The following APOBEC3H variants were observed in gnomAD, a reference collection of about 807,000 sequenced individuals.
APOBEC3H encodes the protein DNA dC->dU-editing enzyme APOBEC-3H.
In APOBEC3H, 8 loss-of-function variants were observed where a neutral mutation model predicts 21.2. That is an observed-to-expected ratio of 0.38 (90% CI 0.22 to 0.68). The LOEUF is 0.68. Ranked by LOEUF, APOBEC3H falls within the 30% of genes least tolerant of loss-of-function variation. APOBEC3H has a pLI of 0.52. For synonymous variants in APOBEC3H, 88 were observed against 91.0 expected, an observed-to-expected ratio of 0.97 and a Z score of 0.19; for missense variants, 229 against 228.1, an observed-to-expected ratio of 1.00 and a Z score of -0.03.
At chr22:39,101,160 C>A in intron 2 of APOBEC3H, 77 bp from the exon 3 acceptor site, 1 of 673,844 alleles carries the variant, frequency 1.5e-6, no homozygotes, top group Non-Finnish European at 2.2e-6. Context: ...GCCCCCGTCC[C>A]GGCCCCCGCC....
At position 39,103,241 on chromosome 22, in the gene APOBEC3H, C is replaced by T. The variant is rs370554315; in HGVS notation, c.544-448C>T. On this transcript the variant is annotated intron_variant, in intron 4 of 4. Transcript: ENST00000442487. ...GGTGAAGGCTGTAGTGAGCTGAGATCGTGCCACTGCACTCCAGCCTGGGCA... is the reference window on the plus strand; with the variant it reads ...GGTGAAGGCTGTAGTGAGCTGAGATTGTGCCACTGCACTCCAGCCTGGGCA... Among the ~76,000 whole-genome samples the T allele has an allele frequency of 2.2e-4, 34 of 152,044 alleles. No homozygotes were observed. In the East Asian group the frequency reaches 5.2e-3, roughly 23 times the overall value.
intron 4 of APOBEC3H, chr22:39,102,547 T>A (rs1929430801): frequency 2.8e-6 from 2 of 718,424 alleles, no homozygotes; most frequent in African/African-American, 3.5e-5. Context: ...GTTACATGGA[T>A]ATATTGTGTG....
chr22:39,102,742 C>T (rs1929443804), intron 4 of APOBEC3H: 3 of 572,414 alleles, frequency 5.2e-6, no homozygotes, highest in Non-Finnish European at 9.5e-6. Context: ...TGGCTCACGC[C>T]TGTAGTCCCA....
At chr22:39,098,717 CCTT>C (rs1383616823) in intron 1 of APOBEC3H, among the ~76,000 whole-genome samples, 3 of 152,108 alleles carry the variant, frequency 2.0e-5, no homozygotes, top group African/African-American at 7.2e-5. Context: ...GCCAGCATCT[CCTT>C]CTCTTCTCCT....
Position 39,097,288 on chromosome 22 carries a change from C to T in APOBEC3H, c.-63C>T, listed in dbSNP as rs747018928. On this transcript the variant is annotated 5_prime_UTR_variant, in exon 1 of 5. Coordinates refer to ENST00000442487, the MANE Select transcript of APOBEC3H (RefSeq NM_181773.5). ...AGCTGCCAAAAGTGAAACTTAGTGC[C>T]TCAGACAAGCAGGGGCAAGTCTGCT... 1 of 152,144 alleles carries T rather than the reference C, an allele frequency of 6.6e-6. No individual in the cohort carries two copies. Among genetic ancestry groups the T allele is most frequent in the Non-Finnish European group, 1.5e-5 (1 of 68,078 alleles). The allele number at this position is 152,144 out of a possible 1,614,324, so 9.4% of individuals were successfully genotyped here.
chr22:39,099,912 C>A (rs1020375404), intron 1 of APOBEC3H, among the ~76,000 whole-genome samples: 3 of 152,226 alleles, frequency 2.0e-5, no homozygotes, highest in Non-Finnish European at 4.4e-5. Context: ...GGGGCTCACA[C>A]CTGTAATCCC....
At chr22:39,100,790 C>T (rs1042570966) in intron 2 of APOBEC3H, among the ~76,000 whole-genome samples, 48 of 152,288 alleles carry the variant, frequency 3.2e-4, no homozygotes, top group African/African-American at 1.1e-3. Flanking sequence ...CTGTCCTCTC[C>T]GCTCTATTGC....
At chr22:39,099,484 G>A (rs1422972125) in intron 1 of APOBEC3H, among the ~76,000 whole-genome samples, 3 of 152,020 alleles carry the variant, frequency 2.0e-5, no homozygotes, top group African/African-American at 7.2e-5. Context: ...TGTAGGGGTC[G>A]AGAGGCCTGT....
intron 1 of APOBEC3H, among the ~76,000 whole-genome samples, chr22:39,099,175 C>T (rs554789060): frequency 1.4e-4 from 22 of 152,172 alleles, no homozygotes; most frequent in African/African-American, 5.1e-4. Flanking sequence ...GATTGGACCA[C>T]TGCACTCCAG....
chr22:39,100,839 C>G (rs1396529332), intron 2 of APOBEC3H, among the ~76,000 whole-genome samples: 1 of 152,158 alleles, frequency 6.6e-6, no homozygotes, highest in African/African-American at 2.4e-5. Context: ...TCCCCGCCCC[C>G]CGCCCCGGCT....
In APOBEC3H at chr22:39,099,927, C is replaced by G. The variant is rs576716153; in HGVS notation, c.-7-345C>G. Among the ~76,000 whole-genome samples the G allele has an allele frequency of 1.8e-3, 268 of 152,324 alleles. 1 individual carries two copies. The highest frequency in any genetic ancestry group is 3.1e-3 in the Non-Finnish European group (208 of 68,020). On this transcript the variant is annotated intron_variant, in intron 1 of 4. Coordinates refer to ENST00000442487, the MANE Select transcript of APOBEC3H (RefSeq NM_181773.5). ...GGGGCTCACACCTGTAATCCCAACA[C>G]TTTGGGAGACCAAGGTGGGTGGATC...
In APOBEC3H at chr22:39,100,385, C is replaced by T. The variant is rs750601192; in HGVS notation, c.107C>T (p.Pro36Leu). ...GCCCTCTTGTGTTACCAGCTGACGCCGCAGAATGGCTCCACGCCCACGAGA... is the reference window on the plus strand; with the variant it reads ...GCCCTCTTGTGTTACCAGCTGACGCTGCAGAATGGCTCCACGCCCACGAGA... ...RKALLCYQLTPQNGSTPTRGY... is the reference protein window; with the variant it reads ...RKALLCYQLTLQNGSTPTRGY... Residue 36 changes from proline to leucine, a missense_variant, in exon 2 of 5, where the codon CCG becomes CTG. Transcript: ENST00000442487. 2.5e-5 allele frequency: 41 copies of T among 1,613,990 alleles called. No homozygotes were observed. Among genetic ancestry groups the T allele is most frequent in the South Asian group, 5.5e-5 (5 of 91,090 alleles).
chr22:39,100,191 G>A (rs1601535440), intron 1 of APOBEC3H, 81 bp from the exon 2 acceptor site: 2 of 1,466,156 alleles, frequency 1.4e-6, no homozygotes, highest in African/African-American at 2.8e-5. Flanking sequence ...AAAAAGAGTT[G>A]GGTTTGAAAA....
intron 4 of APOBEC3H, among the ~76,000 whole-genome samples, chr22:39,102,962 C>CAAAAAAAA (rs58524849): frequency 1.1e-5 from 1 of 94,076 alleles, no homozygotes; most frequent in Non-Finnish European, 2.2e-5. Flanking sequence ...GACTCTGTCC[C>CAAAAAAAA]AAAAAAAAAA....
At chr22:39,099,173 C>G (rs1173666322) in intron 1 of APOBEC3H, among the ~76,000 whole-genome samples, 1 of 151,978 alleles carries the variant, frequency 6.6e-6, no homozygotes, top group Non-Finnish European at 1.5e-5. Flanking sequence ...GAGATTGGAC[C>G]ACTGCACTCC....
intron 1 of APOBEC3H, among the ~76,000 whole-genome samples, chr22:39,099,845 C>A (rs1452155220): frequency 6.6e-6 from 1 of 152,202 alleles, no homozygotes; most frequent in Non-Finnish European, 1.5e-5. Context: ...GGGAGACCCT[C>A]CCTCACCAAG....
At chr22:39,103,575 C>G in intron 4 of APOBEC3H, 114 bp from the exon 5 acceptor site, 3 of 1,155,512 alleles carry the variant, frequency 2.6e-6, no homozygotes, top group Non-Finnish European at 3.9e-6. Flanking sequence ...CTTCTGGGCC[C>G]TTCTGGTGCC....
intron 2 of APOBEC3H, 46 bp downstream of exon 2, chr22:39,100,474 C>T (rs1929249499): frequency 6.3e-7 from 1 of 1,589,568 alleles, no homozygotes; most frequent in Non-Finnish European, 8.6e-7. Flanking sequence ...GGGCTAACCC[C>T]ATCTGATGTG....
intron 1 of APOBEC3H, 45 bp from the exon 2 acceptor site, chr22:39,100,227 G>A (rs1929220976): frequency 3.1e-6 from 5 of 1,591,226 alleles, no homozygotes; most frequent in Non-Finnish European, 3.4e-6. Flanking sequence ...GGTGACTCAA[G>A]AGGACGCTCC....
Sources: gnomAD v4.1 joint callset for allele counts (sites outside exome capture counted in the v4.1 genomes callset) on GRCh38, gnomAD v4.1.1 for gene constraint, MANE v1.5 for transcripts, NCBI Gene and HGNC (gene_info 2026-07-23, HGNC 2026-07-21) for gene names.